TBCK: variants seen among roughly 807,000 people sequenced by gnomAD.
TBCK encodes TBC1 domain containing kinase.
TBCK carries 99 observed loss-of-function variants against 113.4 expected under a neutral mutation model. The observed-to-expected ratio is 0.87, with a 90% confidence interval of 0.74 to 1.03. The LOEUF is 1.03. Among genes scored for constraint, TBCK ranks in the 50% least tolerant of loss-of-function variants. The pLI, the probability that TBCK is intolerant of heterozygous loss-of-function variation, is 0.00. For synonymous variants in TBCK, 369 were observed against 370.8 expected (o/e 1.00, Z 0.05); for missense variants, 1,045 against 1,061.3 (o/e 0.98, Z 0.21).
chr4:106,068,607 A>C (rs749936475), intron 25 of TBCK, among the ~76,000 whole-genome samples: 10 of 152,192 alleles, frequency 6.6e-5, no homozygotes, highest in Non-Finnish European at 1.2e-4. Flanking sequence ...CACAATAAAC[A>C]TACGTGTGCA....
At chr4:106,161,503 C>A (rs1475707504) in intron 23 of TBCK, among the ~76,000 whole-genome samples, 3 of 151,922 alleles carry the variant, frequency 2.0e-5, no homozygotes, top group African/African-American at 7.3e-5. Context: ...AGGGTCAGGG[C>A]AGAAAGAAAG....
At chr4:106,282,921 T>C (rs1366528543) in intron 3 of TBCK, among the ~76,000 whole-genome samples, 2 of 152,038 alleles carry the variant, frequency 1.3e-5, no homozygotes, top group Non-Finnish European at 2.9e-5. Context: ...TAAAATTAAT[T>C]GCGAGGAACT....
chr4:106,101,695 GCTCAGCCTTGAGCAAAAA>G (rs1741573843), intron 24 of TBCK, among the ~76,000 whole-genome samples: 5 of 152,142 alleles, frequency 3.3e-5, no homozygotes, highest in Admixed American at 2.0e-4. Flanking sequence ...TACAAGTAAA[GCTCAGCCTTGAGCAAAAA>G]CTCAGCCTTG....
intron 3 of TBCK, among the ~76,000 whole-genome samples, chr4:106,279,465 A>G (rs959690132): frequency 1.3e-5 from 2 of 152,176 alleles, no homozygotes; most frequent in East Asian, 3.8e-4. Context: ...AAACAATCCA[A>G]TTATACTATT....
chr4:106,135,539 G>A lies in TBCK; in HGVS notation c.2236-19161C>T, dbSNP rs550068095. 3.5e-4 allele frequency among the ~76,000 whole-genome samples: 46 copies of A among 132,714 alleles called. 5 individuals carry two copies. The highest frequency in any genetic ancestry group is 3.1e-3 in the Admixed American group (42 of 13,534). 87.1% of individuals were successfully genotyped at this position (132,714 alleles called of 152,430 possible). A position where few individuals can be genotyped will look rare whatever the true frequency, so the allele number is the denominator to read the frequency against. On this transcript the variant is annotated intron_variant, in intron 23 of 25. Coordinates refer to ENST00000394708, the MANE Select transcript of TBCK (RefSeq NM_001163435.3). ...GAAAGAGTGAAACACAATATGGGCA[G>A]AAGTAGTTAGTAATATATTGGTGGA... is the stretch of plus-strand genomic sequence containing the variant.
chr4:106,204,097 TTAAA>T (rs1203312930), intron 20 of TBCK, among the ~76,000 whole-genome samples: 1 of 152,146 alleles, frequency 6.6e-6, no homozygotes, highest in Non-Finnish European at 1.5e-5. Context: ...TCTAGTAATA[TTAAA>T]TAAAGAACAA....
chr4:106,288,360 C>A (rs1765333920), intron 3 of TBCK, among the ~76,000 whole-genome samples: 1 of 151,872 alleles, frequency 6.6e-6, no homozygotes, highest in South Asian at 2.1e-4. Context: ...TACCACCGCA[C>A]TCCAGCCGGG....
intron 25 of TBCK, among the ~76,000 whole-genome samples, chr4:106,069,516 G>T (rs569509597): frequency 6.6e-6 from 1 of 152,098 alleles, no homozygotes; most frequent in Non-Finnish European, 1.5e-5. Context: ...CTCTGTTTTG[G>T]TACCAGTACC....
At chr4:106,144,708 T>C (rs1171646509) in intron 23 of TBCK, among the ~76,000 whole-genome samples, 1 of 152,194 alleles carries the variant, frequency 6.6e-6, no homozygotes, top group African/African-American at 2.4e-5. Flanking sequence ...CTTGCTTCTT[T>C]ACATTTCTCC....
chr4:106,271,731 G>A (rs1481767970), intron 3 of TBCK, among the ~76,000 whole-genome samples: 3 of 145,116 alleles, frequency 2.1e-5, no homozygotes, highest in African/African-American at 5.1e-5. Flanking sequence ...CAATCTGGGC[G>A]ATAGAGCAAG....
At position 106,242,482 on chromosome 4, in the gene TBCK, G is replaced by A. The variant is rs763384819; in HGVS notation, c.1158C>T (p.Cys386=). ...LDDTTVTLSL[C]QLRNRLKDVG... is the part of the protein sequence containing the mutation. ...ATATCTTTCTTACATTTCTTAGCTG[G>A]CATAACGACAATGTCACAGTGGTAT... Residue 386 remains cysteine, a synonymous_variant, in exon 12 of 26, where the codon TGC becomes TGT. Coordinates refer to ENST00000394708, the MANE Select transcript of TBCK (RefSeq NM_001163435.3). The A allele has an allele frequency of 6.2e-7, 1 of 1,600,652 alleles. No individual in the cohort carries two copies. The highest frequency in any genetic ancestry group is 2.3e-5 in the East Asian group (1 of 44,240).
intron 22 of TBCK, among the ~76,000 whole-genome samples, chr4:106,176,898 C>T: frequency 6.6e-6 from 1 of 151,020 alleles, no homozygotes; most frequent in Non-Finnish European, 1.5e-5. Flanking sequence ...TTTTGATTTG[C>T]ATTTCTCTGA....
chr4:106,128,570 C>A (rs1158356156), intron 23 of TBCK, among the ~76,000 whole-genome samples: 1 of 151,952 alleles, frequency 6.6e-6, no homozygotes. Context: ...AATATTCATC[C>A]AAAATAAACT....
At chr4:106,103,914 C>A (rs1741841350) in intron 24 of TBCK, among the ~76,000 whole-genome samples, 2 of 152,158 alleles carry the variant, frequency 1.3e-5, no homozygotes, top group African/African-American at 4.8e-5. Context: ...AGGGGATACT[C>A]CCCCACCCAA....
At chr4:106,248,172 T>A in intron 9 of TBCK, 73 bp downstream of exon 9, 1 of 997,636 alleles carries the variant, frequency 1.0e-6, no homozygotes, top group Non-Finnish European at 1.5e-6. Flanking sequence ...TCCATTATAT[T>A]AAAACAAGAA....
rs370534041 is a variant in TBCK, at chr4:106,251,897, G to C, written c.566C>G (p.Ser189Cys). Reference sequence around the variant, plus strand: ...AAGCTCAAATAAAATGATTCCAAGAGACCATACATCTGATTTGGGGCCAGA... The same window carrying C: ...AAGCTCAAATAAAATGATTCCAAGACACCATACATCTGATTTGGGGCCAGA... ...LPSGPKSDVWSLGIILFELCV... is the reference protein window; with the variant it reads ...LPSGPKSDVWCLGIILFELCV... Residue 189 changes from serine to cysteine, a missense_variant, in exon 6 of 26, where the codon TCT becomes TGT. By Grantham distance (112) the Ser-to-Cys change is moderately radical. Transcript: ENST00000394708. 8.7e-6 allele frequency: 14 copies of C among 1,608,076 alleles called. No homozygotes were observed. The highest frequency in any genetic ancestry group is 1.2e-5 in the Non-Finnish European group (14 of 1,176,592).
intron 25 of TBCK, among the ~76,000 whole-genome samples, chr4:106,080,828 T>C (rs889403341): frequency 4.7e-5 from 7 of 149,482 alleles, no homozygotes; most frequent in African/African-American, 1.7e-4. Context: ...AAATTCACAA[T>C]TAAAAAAAAA....
chr4:106,085,929 C>G (rs1739443861), intron 25 of TBCK, among the ~76,000 whole-genome samples: 1 of 151,962 alleles, frequency 6.6e-6, no homozygotes. Flanking sequence ...CACCAGAATC[C>G]CTGAGACACA....
intron 5 of TBCK, among the ~76,000 whole-genome samples, chr4:106,253,162 T>C (rs1242438284): frequency 6.6e-6 from 1 of 152,128 alleles, no homozygotes; most frequent in African/African-American, 2.4e-5. Context: ...CATTTCCTGA[T>C]GGTTTTACCA....
Sources: allele counts gnomAD v4.1 joint callset (sites outside exome capture counted in the v4.1 genomes callset), GRCh38; gene constraint gnomAD v4.1.1; transcripts MANE v1.5; gene names NCBI Gene and HGNC (gene_info 2026-07-23, HGNC 2026-07-21).